Variants in NOX3 observed in about 807,000 individuals in gnomAD.
The protein encoded by NOX3 is NADPH oxidase 3, also known as NADPH oxidase catalytic subunit-like 3.
NOX3 carries 74 observed loss-of-function variants against 76.7 expected under a neutral mutation model. That is an observed-to-expected ratio of 0.96 (90% confidence interval 0.80 to 1.17). The LOEUF is 1.17. Among genes scored for constraint, NOX3 ranks in the 50% most tolerant of loss-of-function variants. NOX3 has a pLI of 0.00. For synonymous variants in NOX3, 263 were observed against 261.1 expected (o/e 1.01, Z -0.07); for missense variants, 695 against 703.3 (o/e 0.99, Z 0.13).
At chr6:155,441,702 T>A (rs893836351) in intron 5 of NOX3, among the ~76,000 whole-genome samples, 2 of 152,252 alleles carry the variant, frequency 1.3e-5, no homozygotes, top group African/African-American at 4.8e-5. Flanking sequence ...ATTATTTTTC[T>A]AGTAAGATAT....
At chr6:155,430,811 G>T (rs753250525) in intron 8 of NOX3, 32 bp downstream of exon 8, 25 of 1,471,268 alleles carry the variant, frequency 1.7e-5, no homozygotes, top group Non-Finnish European at 2.3e-5. Context: ...CTACACTCAG[G>T]CTTTTATTCA....
intron 3 of NOX3, 99 bp from the exon 4 acceptor site, chr6:155,453,587 T>A (rs1777174416): frequency 1.1e-6 from 1 of 921,364 alleles, no homozygotes; most frequent in Non-Finnish European, 1.8e-6. Flanking sequence ...GCCTCTAAAC[T>A]GCTTAAAGTG....
rs1441208752 is a variant in NOX3, at chr6:155,396,803, A to C, written c.*27+6T>G. ...ATCCCTGACCTGTATGATTGCAGCC[A>C]CTTACACAATGCCTGGACTTGACCT... is the stretch of plus-strand genomic sequence containing the variant. On this transcript the variant is annotated splice_donor_region_variant and intron_variant, in intron 13 of 13. Coordinates refer to ENST00000159060, the MANE Select transcript of NOX3 (RefSeq NM_015718.3). 1.3e-6 allele frequency: 2 copies of C among 1,594,612 alleles called. No individual in the cohort carries two copies. The highest frequency in any genetic ancestry group is 1.7e-5 in the Admixed American group (1 of 57,788).
intron 7 of NOX3, among the ~76,000 whole-genome samples, chr6:155,434,626 G>C (rs1282430735): frequency 6.6e-6 from 1 of 152,202 alleles, no homozygotes; most frequent in Non-Finnish European, 1.5e-5. Flanking sequence ...TGGGCCAGAA[G>C]AGATATTGGC....
At chr6:155,451,176 A>G (rs1777134871) in intron 4 of NOX3, among the ~76,000 whole-genome samples, 1 of 151,996 alleles carries the variant, frequency 6.6e-6, no homozygotes, top group Non-Finnish European at 1.5e-5. Flanking sequence ...ACAGGGTTTC[A>G]CCATGTTGGT....
At chr6:155,412,515 A>T (rs562109073) in intron 10 of NOX3, among the ~76,000 whole-genome samples, 2 of 152,306 alleles carry the variant, frequency 1.3e-5, no homozygotes, top group Admixed American at 1.3e-4. Flanking sequence ...CTGGGCCCAC[A>T]TATTTGTTGG....
At chr6:155,418,955 T>C (rs1186051388) in intron 10 of NOX3, among the ~76,000 whole-genome samples, 1 of 152,264 alleles carries the variant, frequency 6.6e-6, no homozygotes, top group African/African-American at 2.4e-5. Flanking sequence ...ATTCTGGCTC[T>C]CAACGCCTAT....
At chr6:155,408,318 T>C (rs1776491323) in intron 11 of NOX3, among the ~76,000 whole-genome samples, 1 of 152,216 alleles carries the variant, frequency 6.6e-6, no homozygotes, top group Non-Finnish European at 1.5e-5. Context: ...TCATTTATTT[T>C]AGCCCCTTCT....
intron 9 of NOX3, 105 bp from the exon 10 acceptor site, chr6:155,422,961 C>T: frequency 8.6e-7 from 1 of 1,158,050 alleles, no homozygotes; most frequent in Non-Finnish European, 1.3e-6. Context: ...TTTGCCAGTG[C>T]ATGCAGAGGT....
At chr6:155,441,363 T>G (rs931566724) in intron 5 of NOX3, among the ~76,000 whole-genome samples, 33 of 152,210 alleles carry the variant, frequency 2.2e-4, no homozygotes, top group African/African-American at 7.7e-4. Context: ...TCTCAAACAT[T>G]TAAAATATTT....
chr6:155,434,426 G>A (rs556399417), intron 7 of NOX3, among the ~76,000 whole-genome samples: 270 of 152,314 alleles, frequency 1.8e-3, no homozygotes, highest in Non-Finnish European at 3.3e-3. Flanking sequence ...ATTTGGGCTG[G>A]AAAGGGAGAC....
rs760057866 is a variant in NOX3, at chr6:155,411,343, A to G, written c.1326T>C (p.Ile442=). Reference sequence around the variant, plus strand: ...ACTCAAAAGCTCTTGCATCCCGGCAAATCCAGTAGAAATACACCTGTCAAG... The same window carrying G: ...ACTCAAAAGCTCTTGCATCCCGGCAGATCCAGTAGAAATACACCTGTCAAG... The part of the protein sequence containing the change: ...LKLSKVYFYW[I]CRDARAFEWF... Residue 442 remains isoleucine, a synonymous_variant, in exon 11 of 14, where the codon ATT becomes ATC. Coordinates refer to ENST00000159060, the MANE Select transcript of NOX3 (RefSeq NM_015718.3). 6.2e-7 allele frequency: 1 copy of G among 1,613,758 alleles called. No individual in the cohort carries two copies. Among genetic ancestry groups the G allele is most frequent in the Non-Finnish European group, 8.5e-7 (1 of 1,179,792 alleles).
In NOX3 at chr6:155,407,242, C is replaced by G; in HGVS notation, c.1468G>C (p.Ala490Pro). 6.2e-7 allele frequency: 1 copy of G among 1,613,166 alleles called. No homozygotes were observed. Among genetic ancestry groups the G allele is most frequent in the Non-Finnish European group, 8.5e-7 (1 of 1,179,710 alleles). The change falls in exon 12 of 14, where the codon GCT becomes CCT. Residue 490 changes from alanine (A) to proline (P), a missense_variant. By Grantham distance (27) the Ala-to-Pro change is conservative. Transcript: ENST00000159060. ...TCAGTATTTTCGTCCCAGTGTAAAGCTATGTGAAGAGCCTAAAGTAAATTT... is the reference window on the plus strand; with the variant it reads ...TCAGTATTTTCGTCCCAGTGTAAAGGTATGTGAAGAGCCTAAAGTAAATTT... ...GWDENQALHIALHWDENTDVI... is the reference protein window; with the variant it reads ...GWDENQALHIPLHWDENTDVI...
At chr6:155,447,767 A>G (rs1777082623) in intron 4 of NOX3, among the ~76,000 whole-genome samples, 1 of 152,166 alleles carries the variant, frequency 6.6e-6, no homozygotes, top group Non-Finnish European at 1.5e-5. Context: ...TTGTCTAAAC[A>G]TTTTATTTTC....
intron 10 of NOX3, among the ~76,000 whole-genome samples, chr6:155,419,268 T>C (rs1283951264): frequency 6.6e-6 from 1 of 152,238 alleles, no homozygotes; most frequent in East Asian, 1.9e-4. Context: ...GCTTAAGGAA[T>C]TGGATCTGAA....
At chr6:155,437,432 G>A (rs1228025271) in intron 6 of NOX3, among the ~76,000 whole-genome samples, 1 of 152,194 alleles carries the variant, frequency 6.6e-6, no homozygotes, top group Non-Finnish European at 1.5e-5. Context: ...GGAGTGGTGT[G>A]GCCCCTGTTA....
chr6:155,439,590 A>T (rs1387326133), intron 6 of NOX3, among the ~76,000 whole-genome samples: 2 of 152,182 alleles, frequency 1.3e-5, no homozygotes, highest in Non-Finnish European at 2.9e-5. Flanking sequence ...TTGGTTAAGC[A>T]GAAGTGAAAT....
At position 155,455,767 on chromosome 6, in the gene NOX3, A is replaced by G. The variant is rs1344259629; in HGVS notation, c.34T>C (p.Ser12Pro). ...ATGATACTTACTACTAATATGGTGG[A>G]GAGACCCTCATTCAAAATCCAGCAC... ...MGCWILNEGL[S>P]TILVLSWLGI... The change falls in exon 1 of 14, where the codon TCC (serine) becomes CCC (proline). Residue 12 changes from serine to proline, a missense_variant. Coordinates refer to ENST00000159060, the MANE Select transcript of NOX3 (RefSeq NM_015718.3). 6.2e-7 allele frequency: 1 copy of G among 1,613,576 alleles called. No individual in the cohort carries two copies.
At chr6:155,417,227 A>G (rs938171464) in intron 10 of NOX3, among the ~76,000 whole-genome samples, 1 of 152,156 alleles carries the variant, frequency 6.6e-6, no homozygotes, top group African/African-American at 2.4e-5. Flanking sequence ...TTCTACACAC[A>G]CACACCCCTA....
Sources: allele counts gnomAD v4.1 joint callset (sites outside exome capture counted in the v4.1 genomes callset), GRCh38; gene constraint gnomAD v4.1.1; transcripts MANE v1.5; gene names NCBI Gene and HGNC (gene_info 2026-07-23, HGNC 2026-07-21).